Variants in RPTOR observed in about 807,000 individuals in gnomAD.
The protein encoded by RPTOR is regulatory associated protein of MTOR complex 1, also known as regulatory-associated protein of mTOR.
Under a neutral mutation model 169.9 loss-of-function variants are expected in RPTOR, and 21 were observed. The observed-to-expected ratio is 0.12, with a 90% confidence interval of 0.09 to 0.18. The LOEUF (loss-of-function observed/expected upper bound fraction) is 0.18, where lower values mean the gene tolerates loss of function less well. Ranked by LOEUF, RPTOR falls within the 10% of genes least tolerant of loss-of-function variation. The probability of loss-of-function intolerance (pLI) is 1.00; values close to 1 mark genes in which losing one functional copy is unlikely to be tolerated. For synonymous variants in RPTOR, 732 were observed against 753.2 expected, an observed-to-expected ratio of 0.97 and a Z score of 0.46; for missense variants, 1,133 against 1,855.9, an observed-to-expected ratio of 0.61 and a Z score of 7.16.
intron 4 of RPTOR, among the ~76,000 whole-genome samples, chr17:80,712,533 C>T (rs1251011061): frequency 2.0e-5 from 3 of 152,214 alleles, no homozygotes; most frequent in Non-Finnish European, 4.4e-5. Flanking sequence ...CAATACTCTA[C>T]TGTGTGAATG....
At chr17:80,841,300 G>A (rs796460956) in intron 10 of RPTOR, among the ~76,000 whole-genome samples, 206 of 50,338 alleles carry the variant, frequency 4.1e-3, no homozygotes, top group Non-Finnish European at 4.7e-3. Flanking sequence ...CACTCTCACA[G>A]CACGGCAGCT....
In RPTOR at chr17:80,880,395, C is replaced by A; in HGVS notation, c.1510-20C>A. On this transcript the variant is annotated intron_variant, in intron 13 of 33. Coordinates refer to ENST00000306801, the MANE Select transcript of RPTOR (RefSeq NM_020761.3). ...CGGGACACTGCACTCACTGCCTCTC[C>A]TCTGTCTCTTTCTGTCCAGTCGTGC... 6.2e-7 allele frequency: 1 copy of A among 1,612,320 alleles called. No homozygotes were observed. The highest frequency in any genetic ancestry group is 2.2e-5 in the East Asian group (1 of 44,872).
rs557768560 is a variant in RPTOR at position 80,966,364 on chromosome 17, G to A, written c.*2034G>A. 2.2e-5 allele frequency: 5 copies of A among 224,294 alleles called. No homozygotes were observed. Among genetic ancestry groups the A allele is most frequent in the South Asian group, 1.8e-4 (1 of 5,446 alleles). 13.9% of individuals were successfully genotyped at this position (224,294 alleles called of 1,614,324 possible). On this transcript the variant is annotated 3_prime_UTR_variant, in exon 34 of 34. Coordinates refer to ENST00000306801, the MANE Select transcript of RPTOR (RefSeq NM_020761.3). ...GAGTGACCAACAGTAAACAACACGC[G>A]CAGACTCCGCGGCTGGCGGCTGTGT...
intron 6 of RPTOR, among the ~76,000 whole-genome samples, chr17:80,769,839 G>A (rs899345135): frequency 6.6e-6 from 1 of 152,192 alleles, no homozygotes; most frequent in African/African-American, 2.4e-5. Context: ...ACACGAGAGG[G>A]AGGGCGGGGT....
In RPTOR at chr17:80,684,150, C is replaced by T. The variant is rs566742050; in HGVS notation, c.349-23691C>T. 2.0e-5 allele frequency among the ~76,000 whole-genome samples: 3 copies of T among 152,270 alleles called. No individual in the cohort carries two copies. In the South Asian group the frequency reaches 6.2e-4, roughly 32 times the overall value. On this transcript the variant is annotated intron_variant, in intron 3 of 33. Coordinates refer to ENST00000306801, the MANE Select transcript of RPTOR (RefSeq NM_020761.3). Reference sequence around the variant, plus strand: ...GAGTTACTTGGGTGGGCTTTGTCCCCTCTGTTCCGGGCTGTTATTTGCACT... The same window carrying T: ...GAGTTACTTGGGTGGGCTTTGTCCCTTCTGTTCCGGGCTGTTATTTGCACT...
intron 21 of RPTOR, among the ~76,000 whole-genome samples, chr17:80,913,522 G>A (rs550517644): frequency 3.9e-5 from 6 of 152,004 alleles, no homozygotes; most frequent in Admixed American, 6.6e-5. Flanking sequence ...ATCCAGTCAC[G>A]GCTCACTGCA....
chr17:80,742,573 CACATAG>C (rs1424280241), intron 5 of RPTOR, among the ~76,000 whole-genome samples: 7 of 142,092 alleles, frequency 4.9e-5, no homozygotes, highest in Non-Finnish European at 9.3e-5. Context: ...TGTATGCACA[CACATAG>C]ACATATATGC....
At chr17:80,713,529 TA>T (rs1318938649) in intron 4 of RPTOR, among the ~76,000 whole-genome samples, 2 of 151,898 alleles carry the variant, frequency 1.3e-5, no homozygotes, top group African/African-American at 4.8e-5. Context: ...CAAACCAGAT[TA>T]AAAAAAAGCA....
chr17:80,786,701 A>G (rs1173160750), intron 6 of RPTOR, among the ~76,000 whole-genome samples: 1 of 152,250 alleles, frequency 6.6e-6, no homozygotes, highest in Non-Finnish European at 1.5e-5. Flanking sequence ...TGCCTGTGGT[A>G]GTCTGAGACT....
At chr17:80,718,204 A>C (rs6565478) in intron 4 of RPTOR, among the ~76,000 whole-genome samples, 1 of 152,018 alleles carries the variant, frequency 6.6e-6, no homozygotes, top group Non-Finnish European at 1.5e-5. Flanking sequence ...TTTACTGAAC[A>C]TAAAGTTGGA....
At chr17:80,772,145 A>T (rs1394823269) in intron 6 of RPTOR, among the ~76,000 whole-genome samples, 1 of 152,204 alleles carries the variant, frequency 6.6e-6, no homozygotes, top group East Asian at 1.9e-4. Context: ...CACCTCGGGT[A>T]TCAGGGTAGT....
chr17:80,612,601 T>C (rs1032969087), intron 1 of RPTOR, among the ~76,000 whole-genome samples: 1 of 152,280 alleles, frequency 6.6e-6, no homozygotes, highest in African/African-American at 2.4e-5. Context: ...CTGTGTCTTA[T>C]GTACAAAGAA....
chr17:80,772,586 C>T (rs2066855640), intron 6 of RPTOR, among the ~76,000 whole-genome samples: 1 of 145,690 alleles, frequency 6.9e-6, no homozygotes, highest in South Asian at 2.3e-4. Context: ...TTCAGTGCCT[C>T]CCTGATGAGG....
chr17:80,826,064 C>T (rs8182275), intron 9 of RPTOR, among the ~76,000 whole-genome samples: 43,363 of 151,926 alleles, frequency 0.29, 6,291 homozygotes, highest in African/African-American at 0.31. Context: ...AGTGGGCCTG[C>T]CTGCATTCTG....
rs1262086717 is a variant in RPTOR, at chr17:80,695,811, G to A, written c.349-12030G>A. The stretch of plus-strand genomic sequence containing the variant: ...TCAGGATGCAGAGGCACCAAGGCCA[G>A]GGAGGAGCGTTGGGGGTGGCTGGAG... On this transcript the variant is annotated intron_variant, in intron 3 of 33. Transcript: ENST00000306801. This position sits in a 1 kb window ranked among gnomAD's most constrained non-coding sequence, Gnocchi z 4.9. 6.6e-6 allele frequency among the ~76,000 whole-genome samples: 1 copy of A among 152,246 alleles called. No individual in the cohort carries two copies. Among genetic ancestry groups the A allele is most frequent in the African/African-American group, 2.4e-5 (1 of 41,460 alleles).
intron 3 of RPTOR, among the ~76,000 whole-genome samples, chr17:80,677,673 A>G (rs1598213741): frequency 6.6e-6 from 1 of 152,242 alleles, no homozygotes; most frequent in Non-Finnish European, 1.5e-5. Flanking sequence ...TCAACTTGTT[A>G]AATTCTATTC....
chr17:80,679,218 A>G (rs1172480962), intron 3 of RPTOR, among the ~76,000 whole-genome samples: 2 of 152,216 alleles, frequency 1.3e-5, no homozygotes, highest in Admixed American at 6.5e-5. Flanking sequence ...TGGAGGTTGC[A>G]GTGAGCCGAG....
chr17:80,611,435 A>G (rs2065270041), intron 1 of RPTOR, among the ~76,000 whole-genome samples: 1 of 151,788 alleles, frequency 6.6e-6, no homozygotes, highest in Admixed American at 6.6e-5. Context: ...CTAATTTTTT[A>G]TTTGTACTTC....
At chr17:80,869,304 C>T (rs778307677) in intron 13 of RPTOR, among the ~76,000 whole-genome samples, 3 of 152,118 alleles carry the variant, frequency 2.0e-5, no homozygotes, top group Non-Finnish European at 2.9e-5. Flanking sequence ...GGACTACAGA[C>T]GCCTGCCACC....
Sources: allele counts gnomAD v4.1 joint callset (sites outside exome capture counted in the v4.1 genomes callset), GRCh38; gene constraint gnomAD v4.1.1; non-coding constraint Gnocchi (gnomAD v3.1); transcripts MANE v1.5; gene names NCBI Gene and HGNC (gene_info 2026-07-23, HGNC 2026-07-21).